EIF3B: variants seen among roughly 807,000 people sequenced by gnomAD.
EIF3B encodes the protein eukaryotic translation initiation factor 3 subunit 9.
A neutral mutation model predicts 104.6 loss-of-function variants in EIF3B; 10 were observed. The ratio of observed to expected loss-of-function variants is 0.10; its 90% CI spans 0.06 to 0.16. The LOEUF is 0.16. EIF3B is among the 10% of genes least tolerant of loss of function. The pLI is 1.00. For synonymous variants in EIF3B, 542 were observed against 417.2 expected, an observed-to-expected ratio of 1.30 and a Z score of -3.65; for missense variants, 1,014 against 1,087.9, an observed-to-expected ratio of 0.93 and a Z score of 0.96.
intron 2 of EIF3B, among the ~76,000 whole-genome samples, chr7:2,362,352 A>G (rs961342298): frequency 3.3e-5 from 5 of 152,228 alleles, no homozygotes; most frequent in African/African-American, 4.8e-5. Flanking sequence ...TTTGATGTGT[A>G]CATATCACGA....
chr7:2,368,619 G>T (rs896092564), intron 9 of EIF3B, among the ~76,000 whole-genome samples: 3 of 152,146 alleles, frequency 2.0e-5, no homozygotes, highest in African/African-American at 7.2e-5. Context: ...CATCTACCTC[G>T]TCTTTGATCT....
intron 10 of EIF3B, among the ~76,000 whole-genome samples, chr7:2,370,995 G>A (rs536589124): frequency 4.6e-5 from 7 of 152,136 alleles, no homozygotes; most frequent in Admixed American, 6.5e-5. Context: ...CCCGGGAGGC[G>A]GAGCTTGCAG....
At chr7:2,369,266 G>A (rs1165785898) in intron 9 of EIF3B, among the ~76,000 whole-genome samples, 1 of 152,218 alleles carries the variant, frequency 6.6e-6, no homozygotes, top group Admixed American at 6.5e-5. Flanking sequence ...TTGTCACAGT[G>A]AGCACAGTAG....
At chr7:2,373,059 G>T in intron 12 of EIF3B, 1 of 307,704 alleles carries the variant, frequency 3.2e-6, no homozygotes, top group Non-Finnish European at 5.9e-6. Context: ...ATCATCTCAA[G>T]TGAAGCTTTT....
intron 1 of EIF3B, among the ~76,000 whole-genome samples, chr7:2,356,639 C>T (rs1416553975): frequency 6.7e-6 from 1 of 149,918 alleles, no homozygotes. Flanking sequence ...AAAAGGTTAT[C>T]AGAAATACAA....
At chr7:2,368,865 ATTC>A (rs930064962) in intron 9 of EIF3B, among the ~76,000 whole-genome samples, 42 of 152,344 alleles carry the variant, frequency 2.8e-4, no homozygotes, top group African/African-American at 9.9e-4. Flanking sequence ...TCGTTTTTAC[ATTC>A]TTGGGCAAAA....
At chr7:2,370,399 C>A (rs1157709064) in intron 10 of EIF3B, among the ~76,000 whole-genome samples, 2 of 151,758 alleles carry the variant, frequency 1.3e-5, no homozygotes, top group Non-Finnish European at 2.9e-5. Context: ...ATCGCTTGAA[C>A]CCAGGAGGCA....
chr7:2,377,999 T>G (rs13239861), intron 15 of EIF3B: 1,872 of 20,528 alleles, frequency 0.091, 26 homozygotes, highest in Admixed American at 0.1. Context: ...AGGCGCGAGC[T>G]CTCCTGGGAT....
chr7:2,369,336 T>G (rs1326457881), intron 9 of EIF3B, 136 bp from the exon 10 acceptor site: 3 of 910,122 alleles, frequency 3.3e-6, no homozygotes, highest in African/African-American at 1.7e-5. Context: ...GCAGTGGCTG[T>G]GCAGAGGGAG....
intron 2 of EIF3B, among the ~76,000 whole-genome samples, chr7:2,361,734 C>T (rs1454313057): frequency 6.6e-6 from 1 of 151,950 alleles, no homozygotes; most frequent in African/African-American, 2.4e-5. Context: ...GAGCTTCTTT[C>T]TAATCTTGCC....
At chr7:2,359,684 C>T (rs1289139357) in intron 1 of EIF3B, among the ~76,000 whole-genome samples, 1 of 152,190 alleles carries the variant, frequency 6.6e-6, no homozygotes, top group Non-Finnish European at 1.5e-5. Flanking sequence ...CGGTCAGAAC[C>T]GGAGGTGACA....
chr7:2,367,776 A>G (rs1411317632), intron 9 of EIF3B, among the ~76,000 whole-genome samples: 1 of 145,456 alleles, frequency 6.9e-6, no homozygotes, highest in African/African-American at 2.6e-5. Context: ...CCTGTCACTC[A>G]GTTCTTAACC....
At position 2,355,236 on chromosome 7, in the gene EIF3B, C is replaced by G. The variant is rs868300546; in HGVS notation, c.315C>G (p.Gly105=). The G allele has an allele frequency of 6.6e-7, 1 of 1,512,194 alleles. No homozygotes were observed. 93.7% of individuals were successfully genotyped at this position (1,512,194 alleles called of 1,614,324 possible). A position where few individuals can be genotyped will look rare whatever the true frequency, so the allele number is the denominator to read the frequency against. ...SHAEPPVPAQ[G]EAPGEQARDE... ...CTGAGCCCCCTGTCCCGGCACAGGG[C>G]GAGGCCCCAGGAGAGCAGGCTCGGG... Residue 105 remains glycine, a synonymous_variant, in exon 1 of 19, where the codon GGC becomes GGG. Coordinates refer to ENST00000360876, the MANE Select transcript of EIF3B (RefSeq NM_001037283.2).
intron 3 of EIF3B, 110 bp downstream of exon 3, chr7:2,362,874 C>T: frequency 1.3e-6 from 2 of 1,533,920 alleles, no homozygotes; most frequent in Admixed American, 1.8e-5. Flanking sequence ...TGTTCACATC[C>T]TTTCTGGTCA....
intron 9 of EIF3B, among the ~76,000 whole-genome samples, chr7:2,369,058 A>G (rs576991374): frequency 6.6e-6 from 1 of 152,302 alleles, no homozygotes; most frequent in South Asian, 2.1e-4. Flanking sequence ...CATTCCTTAC[A>G]CTTGATTTGC....
At chr7:2,361,595 A>G (rs942009008) in intron 2 of EIF3B, among the ~76,000 whole-genome samples, 5 of 149,586 alleles carry the variant, frequency 3.3e-5, no homozygotes, top group Admixed American at 1.3e-4. Context: ...AATTTTTTGT[A>G]TTTTTAGTAG....
rs545772813 is a variant in EIF3B, at chr7:2,372,913, C to A, written c.1810+118C>A. On this transcript the variant is annotated intron_variant, in intron 12 of 18. Coordinates refer to ENST00000360876, the MANE Select transcript of EIF3B (RefSeq NM_001037283.2). The stretch of plus-strand genomic sequence containing the variant: ...CCACTGCTGGGCAGGCCGGGACTCG[C>A]CTATGAATGGGGTGTGGCCTCGGCT... 2.0e-4 allele frequency: 235 copies of A among 1,181,856 alleles called. 5 individuals carry two copies. The South Asian group carries it at 4.6e-3, about 23-fold the overall frequency. The allele number at this position is 1,181,856 out of a possible 1,614,324, so 73.2% of individuals were successfully genotyped here.
At position 2,364,486 on chromosome 7, in the gene EIF3B, A is replaced by G; in HGVS notation, c.1114A>G (p.Ser372Gly). The G allele has an allele frequency of 6.2e-7, 1 of 1,612,882 alleles. No individual in the cohort carries two copies. Among genetic ancestry groups the G allele is most frequent in the Non-Finnish European group, 8.5e-7 (1 of 1,179,634 alleles). The change falls in exon 6 of 19, where the codon AGC (serine) becomes GGC (glycine). Residue 372 changes from serine (S) to glycine (G), a missense_variant. By Grantham distance (56) the Ser-to-Gly change is moderately conservative. Around this residue, in one of 4 missense-constraint regions of EIF3B, gnomAD observed 201 missense variants for 240.7 expected, o/e 0.83. Coordinates refer to ENST00000360876, the MANE Select transcript of EIF3B (RefSeq NM_001037283.2). The stretch of plus-strand genomic sequence containing the variant: ...GAAATTCAAGCAAATTCAGAGATTC[A>G]GCCACCAAGGGGTTCAGCTTATTGA... ...GEKFKQIQRF[S>G]HQGVQLIDFS...
intron 5 of EIF3B, among the ~76,000 whole-genome samples, chr7:2,364,041 C>T (rs1779877558): frequency 6.6e-6 from 1 of 152,154 alleles, no homozygotes; most frequent in South Asian, 2.1e-4. Context: ...GTGGGTGGAT[C>T]ACGAGGTCAG....
Sources: allele counts gnomAD v4.1 joint callset (sites outside exome capture counted in the v4.1 genomes callset), GRCh38; gene constraint gnomAD v4.1.1; regional missense constraint gnomAD v4.1.1; transcripts MANE v1.5; gene names NCBI Gene and HGNC (gene_info 2026-07-23, HGNC 2026-07-21).